Variants in PDE8B observed in about 807,000 individuals in gnomAD.
The protein encoded by PDE8B is high affinity cAMP-specific and IBMX-insensitive 3',5'-cyclic phosphodiesterase 8B.
In PDE8B, 26 loss-of-function variants were observed where a neutral mutation model predicts 101.3. That is an observed-to-expected ratio of 0.26 (90% CI 0.19 to 0.36). PDE8B has a LOEUF of 0.36. Among genes scored for constraint, PDE8B ranks in the 10% least tolerant of loss-of-function variants. The pLI is 1.00. For synonymous variants in PDE8B, 424 were observed against 429.3 expected (o/e 0.99, Z 0.15); for missense variants, 810 against 1,163.1 (o/e 0.70, Z 4.42).
chr5:77,426,097 T>C (rs1798054192), intron 21 of PDE8B: 3 of 635,740 alleles, frequency 4.7e-6, no homozygotes, highest in South Asian at 3.6e-5. Context: ...GAAGACTTGA[T>C]GGATTTTTGA....
intron 20 of PDE8B, among the ~76,000 whole-genome samples, chr5:77,424,827 T>TG (rs1554104701): frequency 6.6e-5 from 3 of 45,790 alleles, no homozygotes; most frequent in Non-Finnish European, 1.2e-4. Context: ...TTGTTTTTTG[T>TG]TTTTTGTTTT....
the PDE8B span, among the ~76,000 whole-genome samples, chr5:77,151,734 G>T: frequency 6.6e-6 from 1 of 152,284 alleles, no homozygotes; most frequent in Non-Finnish European, 1.5e-5. Context: ...CTTCCAGACA[G>T]CTCACTTCAC....
the PDE8B span, among the ~76,000 whole-genome samples, chr5:77,187,767 T>C: frequency 6.6e-6 from 1 of 152,194 alleles, no homozygotes; most frequent in Non-Finnish European, 1.5e-5. Context: ...TCGAAAGAAT[T>C]TTTAAACTTT....
chr5:77,259,300 G>A (rs1167381000), intron 1 of PDE8B, among the ~76,000 whole-genome samples: 1 of 151,992 alleles, frequency 6.6e-6, no homozygotes, highest in Non-Finnish European at 1.5e-5. Flanking sequence ...TTGTCCACTT[G>A]GCCCATAGAA....
At chr5:77,393,729 C>G (rs1170789040) in intron 10 of PDE8B, among the ~76,000 whole-genome samples, 1 of 152,118 alleles carries the variant, frequency 6.6e-6, no homozygotes, top group African/African-American at 2.4e-5. Context: ...TAAGGATTCC[C>G]CATTAGACTA....
intron 1 of PDE8B, among the ~76,000 whole-genome samples, chr5:77,261,978 C>G (rs1355789654): frequency 6.6e-6 from 1 of 152,144 alleles, no homozygotes; most frequent in Non-Finnish European, 1.5e-5. Context: ...CTCTCTGCAG[C>G]TTTCTCCAGG....
At chr5:77,263,260 A>G (rs1761003051) in intron 1 of PDE8B, among the ~76,000 whole-genome samples, 1 of 152,246 alleles carries the variant, frequency 6.6e-6, no homozygotes. Flanking sequence ...TTTGTCTTTA[A>G]TGAATTAAGA....
At chr5:77,347,169 T>G (rs1036487910) in intron 7 of PDE8B, among the ~76,000 whole-genome samples, 1 of 152,242 alleles carries the variant, frequency 6.6e-6, no homozygotes, top group Non-Finnish European at 1.5e-5. Flanking sequence ...TTACTTGCCA[T>G]ATACTAGGCT....
intron 1 of PDE8B, among the ~76,000 whole-genome samples, chr5:77,311,688 A>G (rs1772661822): frequency 6.6e-6 from 1 of 152,252 alleles, no homozygotes; most frequent in Non-Finnish European, 1.5e-5. Flanking sequence ...TCCATAAAAT[A>G]GTACATGCTT....
At chr5:77,094,315 A>G in the PDE8B span, among the ~76,000 whole-genome samples, 2 of 152,078 alleles carry the variant, frequency 1.3e-5, no homozygotes, top group Non-Finnish European at 2.9e-5. Flanking sequence ...GGTACACTTT[A>G]CATACTTTTT....
chr5:77,090,562 C>T, the PDE8B span, among the ~76,000 whole-genome samples: 3 of 152,232 alleles, frequency 2.0e-5, no homozygotes, highest in Admixed American at 6.5e-5. Context: ...CGTGAGCCAC[C>T]GCACCCAGCC....
intron 3 of PDE8B, among the ~76,000 whole-genome samples, chr5:77,326,121 T>C (rs1329807686): frequency 2.0e-5 from 3 of 152,234 alleles, no homozygotes; most frequent in African/African-American, 7.2e-5. Context: ...ATGTGTGAAA[T>C]ATAAATTTTT....
chr5:77,133,495 T>C, the PDE8B span, among the ~76,000 whole-genome samples: 341 of 152,344 alleles, frequency 2.2e-3, no homozygotes, highest in African/African-American at 7.6e-3. Context: ...GTATTAGAAA[T>C]TGATATTTGT....
chr5:77,238,432 C>G (rs1026214786), intron 1 of PDE8B, among the ~76,000 whole-genome samples: 3 of 152,114 alleles, frequency 2.0e-5, no homozygotes, highest in Non-Finnish European at 4.4e-5. Context: ...TTTATATCTT[C>G]TATTCTTTGC....
At chr5:77,337,177 C>T (rs1226761874) in intron 5 of PDE8B, 50 bp from the exon 6 acceptor site, 1 of 1,014,778 alleles carries the variant, frequency 9.9e-7, no homozygotes, top group Non-Finnish European at 1.5e-6. Context: ...ATTTGACTCT[C>T]TAAGAAGTAA....
the PDE8B span, among the ~76,000 whole-genome samples, chr5:77,096,318 A>G: frequency 6.6e-6 from 1 of 152,140 alleles, no homozygotes; most frequent in Admixed American, 6.5e-5. Flanking sequence ...ACTTTTTTGA[A>G]GTACCCTTTG....
intron 11 of PDE8B, among the ~76,000 whole-genome samples, chr5:77,400,815 A>G (rs1792108002): frequency 6.6e-6 from 1 of 152,126 alleles, no homozygotes; most frequent in African/African-American, 2.4e-5. Context: ...TAAAAAGAGG[A>G]GCTGGACCTG....
At chr5:77,142,954 G>A in the PDE8B span, among the ~76,000 whole-genome samples, 1 of 152,086 alleles carries the variant, frequency 6.6e-6, no homozygotes, top group Non-Finnish European at 1.5e-5. Flanking sequence ...TGTGTGTTTG[G>A]ATCATAAGAG....
At chr5:77,416,853 C>T (rs1017076421) in intron 17 of PDE8B, among the ~76,000 whole-genome samples, 2 of 152,134 alleles carry the variant, frequency 1.3e-5, no homozygotes, top group Non-Finnish European at 2.9e-5. Flanking sequence ...AAAATGATGA[C>T]CTCCCCACCC....
Sources: gnomAD v4.1 joint callset for allele counts (sites outside exome capture counted in the v4.1 genomes callset) on GRCh38, gnomAD v4.1.1 for gene constraint, MANE v1.5 for transcripts, NCBI Gene and HGNC (gene_info 2026-07-23, HGNC 2026-07-21) for gene names.